CNTN4: variants seen among roughly 807,000 people sequenced by gnomAD.
CNTN4 encodes the protein contactin-4.
In CNTN4, 77 loss-of-function variants were observed where a neutral mutation model predicts 122.5. The ratio of observed to expected loss-of-function variants is 0.63; its 90% CI spans 0.52 to 0.76. CNTN4 has a LOEUF of 0.76. Ranked by LOEUF, CNTN4 falls within the 30% of genes least tolerant of loss-of-function variation. The pLI is 0.00. For missense variants in CNTN4, 1,256 were observed against 1,259.1 expected (o/e 1.00, Z 0.04); for synonymous variants, 512 against 447.0 (o/e 1.15, Z -1.83).
At chr3:3,033,491 G>A (rs1464564877) in intron 16 of CNTN4, among the ~76,000 whole-genome samples, 1 of 152,214 alleles carries the variant, frequency 6.6e-6, no homozygotes, top group East Asian at 1.9e-4. Flanking sequence ...TGTTAATTTT[G>A]CACTGCTCTG....
chr3:2,397,318 G>A (rs781036211), intron 3 of CNTN4, among the ~76,000 whole-genome samples: 1 of 152,086 alleles, frequency 6.6e-6, no homozygotes, highest in Non-Finnish European at 1.5e-5. Flanking sequence ...TTTTTTGTTT[G>A]TTTGTTTTGC....
At chr3:2,217,701 C>A (rs199666285) in intron 2 of CNTN4, among the ~76,000 whole-genome samples, 1 of 151,990 alleles carries the variant, frequency 6.6e-6, no homozygotes, top group Non-Finnish European at 1.5e-5. Flanking sequence ...AGAAAAAAAT[C>A]TCTTTAACAA....
rs530385979 is a variant in CNTN4, at chr3:2,238,791, C to A, written c.-144-100387C>A. ...CGCCCAGGCTGGAGTGCGGTGGCGC[C>A]ATCTCGGCTCACTGCAAGCTCCGCC... On this transcript the variant is annotated intron_variant, in intron 2 of 24. Coordinates refer to ENST00000418658, the MANE Select transcript of CNTN4 (RefSeq NM_175607.3). 81 of 103,752 alleles carry A rather than the reference C, an allele frequency of 7.8e-4. 6 individuals carry two copies. The highest frequency in any genetic ancestry group is 2.2e-3 in the African/African-American group (68 of 31,248). The allele number at this position is 103,752 out of a possible 1,614,324, so 6.4% of individuals were successfully genotyped here.
chr3:2,595,838 T>G (rs1201554227), intron 4 of CNTN4, among the ~76,000 whole-genome samples: 1 of 152,158 alleles, frequency 6.6e-6, no homozygotes, highest in Non-Finnish European at 1.5e-5. Context: ...CACGCAGGTA[T>G]AAAAATTTTC....
At position 2,584,360 on chromosome 3, in the gene CNTN4, A is replaced by T. The variant is rs146983896; in HGVS notation, c.55+12802A>T. 3.8e-3 allele frequency among the ~76,000 whole-genome samples: 572 copies of T among 152,198 alleles called. 5 individuals are homozygous for T. The highest frequency in any genetic ancestry group is 0.013 in the African/African-American group (542 of 41,524). ...TTTCCAGGTATCTATTCTTCCAAGT[A>T]GGAGGGTCAAAAGTGATTGTGTTTA... On this transcript the variant is annotated intron_variant, in intron 4 of 24. Transcript: ENST00000418658.
chr3:2,615,384 A>T (rs1285100795), intron 4 of CNTN4, among the ~76,000 whole-genome samples: 3 of 152,196 alleles, frequency 2.0e-5, no homozygotes, highest in Non-Finnish European at 4.4e-5. Context: ...AAGAATCTTT[A>T]ATCTGTTTGT....
intron 6 of CNTN4, among the ~76,000 whole-genome samples, chr3:2,775,676 C>T (rs1246419459): frequency 1.3e-5 from 2 of 152,162 alleles, no homozygotes; most frequent in Non-Finnish European, 2.9e-5. Flanking sequence ...CTGCCTTAGC[C>T]TCCCAAACTG....
At chr3:2,578,401 A>ATCCTCCCTTT in intron 4 of CNTN4, among the ~76,000 whole-genome samples, 1 of 152,288 alleles carries the variant, frequency 6.6e-6, no homozygotes, top group Middle Eastern at 3.4e-3. Context: ...ACCCAGAAGG[A>ATCCTCCCTTT]TCCTCCCTTT....
intron 4 of CNTN4, among the ~76,000 whole-genome samples, chr3:2,573,382 T>A (rs902307811): frequency 3.3e-5 from 5 of 152,176 alleles, no homozygotes; most frequent in Admixed American, 3.3e-4. Context: ...CCCCATCTGG[T>A]CAGAGCCTTC....
intron 2 of CNTN4, among the ~76,000 whole-genome samples, chr3:2,258,668 A>T (rs533702570): frequency 6.6e-6 from 1 of 152,280 alleles, no homozygotes; most frequent in Admixed American, 6.5e-5. Flanking sequence ...GTATTCAATA[A>T]TTTCATGCAT....
chr3:2,624,515 A>C (rs2149965952), intron 4 of CNTN4, among the ~76,000 whole-genome samples: 1 of 152,138 alleles, frequency 6.6e-6, no homozygotes, highest in Admixed American at 6.6e-5. Flanking sequence ...GACCATGGCA[A>C]GCTTTTCAGA....
chr3:2,681,035 T>C (rs2085136121), intron 4 of CNTN4, among the ~76,000 whole-genome samples: 1 of 152,200 alleles, frequency 6.6e-6, no homozygotes, highest in Non-Finnish European at 1.5e-5. Flanking sequence ...TAGGGAATGC[T>C]TTTAGAAAAT....
intron 4 of CNTN4, among the ~76,000 whole-genome samples, chr3:2,684,582 A>G (rs890472453): frequency 5.3e-5 from 8 of 152,274 alleles, no homozygotes; most frequent in African/African-American, 1.7e-4. Context: ...TCCTGGGGCT[A>G]ATAACATTGG....
chr3:2,722,125 CA>C (rs2087897594), intron 4 of CNTN4, among the ~76,000 whole-genome samples: 1 of 152,202 alleles, frequency 6.6e-6, no homozygotes, highest in Non-Finnish European at 1.5e-5. Flanking sequence ...GCAACCTGAA[CA>C]GACTAAGACG....
chr3:2,537,934 A>G (rs184402161), intron 3 of CNTN4, among the ~76,000 whole-genome samples: 4 of 152,206 alleles, frequency 2.6e-5, no homozygotes, highest in African/African-American at 9.6e-5. Context: ...AGTAAATTGT[A>G]TAGAATGAAT....
chr3:2,769,591 G>T (rs1276254893), intron 6 of CNTN4, among the ~76,000 whole-genome samples: 2 of 152,116 alleles, frequency 1.3e-5, no homozygotes, highest in Non-Finnish European at 2.9e-5. Flanking sequence ...TATTGATGAT[G>T]GTAGAAAATT....
intron 12 of CNTN4, among the ~76,000 whole-genome samples, chr3:2,912,652 T>C (rs1432830572): frequency 1.3e-5 from 2 of 152,182 alleles, no homozygotes; most frequent in Non-Finnish European, 2.9e-5. Context: ...TAAAAGGAGG[T>C]AATTTGTGTC....
At chr3:2,285,229 A>G (rs1272160580) in intron 2 of CNTN4, among the ~76,000 whole-genome samples, 1 of 152,132 alleles carries the variant, frequency 6.6e-6, no homozygotes, top group Non-Finnish European at 1.5e-5. Context: ...AGTAACAAAT[A>G]CATCCTTAAA....
intron 4 of CNTN4, among the ~76,000 whole-genome samples, chr3:2,677,474 ATCCATCTATATC>A (rs2084929323): frequency 7.9e-6 from 1 of 125,964 alleles, no homozygotes; most frequent in Admixed American, 9.1e-5. Context: ...CTATCCATCT[ATCCATCTATATC>A]TATCTATCTA....
Sources: allele counts gnomAD v4.1 joint callset (sites outside exome capture counted in the v4.1 genomes callset), GRCh38; gene constraint gnomAD v4.1.1; transcripts MANE v1.5; gene names NCBI Gene and HGNC (gene_info 2026-07-23, HGNC 2026-07-21).